The following LPP variants were observed in gnomAD, a reference collection of about 807,000 sequenced individuals.
LPP encodes LIM domain containing preferred translocation partner in lipoma, also known as lipoma-preferred partner.
In LPP, 38 loss-of-function variants were observed where a neutral mutation model predicts 60.4. The ratio of observed to expected loss-of-function variants is 0.63; its 90% CI spans 0.49 to 0.83. LPP has a LOEUF of 0.83. LPP is among the 40% of genes least tolerant of loss of function. The pLI is 0.00. For missense variants in LPP, 902 were observed against 783.6 expected, an observed-to-expected ratio of 1.15 and a Z score of -1.80; for synonymous variants, 328 against 290.8, an observed-to-expected ratio of 1.13 and a Z score of -1.30.
chr3:188,242,784 T>C (rs1725441232), intron 2 of LPP, among the ~76,000 whole-genome samples: 1 of 152,190 alleles, frequency 6.6e-6, no homozygotes, highest in African/African-American at 2.4e-5. Flanking sequence ...TTAGCAAACA[T>C]TTCCCCTTTC....
At chr3:188,753,580 C>CGTGCGTGTGTGTGT (rs367698835) in intron 8 of LPP, among the ~76,000 whole-genome samples, 4 of 139,560 alleles carry the variant, frequency 2.9e-5, no homozygotes, top group African/African-American at 8.1e-5. Flanking sequence ...TTGTTGTGTG[C>CGTGCGTGTGTGTGT]GTGTGTGTGT....
At chr3:188,253,811 G>GC (rs1730749308) in intron 2 of LPP, among the ~76,000 whole-genome samples, 1 of 152,128 alleles carries the variant, frequency 6.6e-6, no homozygotes, top group Non-Finnish European at 1.5e-5. Context: ...AACCTGTAAT[G>GC]CCCCTTCTTC....
chr3:188,500,625 A>G (rs546529426), intron 5 of LPP, among the ~76,000 whole-genome samples: 7 of 152,240 alleles, frequency 4.6e-5, no homozygotes, highest in Admixed American at 4.6e-4. Flanking sequence ...ATTTGAGGAT[A>G]ATTGTTGTTA....
chr3:188,299,191 T>G (rs938679113), intron 2 of LPP, among the ~76,000 whole-genome samples: 1 of 152,208 alleles, frequency 6.6e-6, no homozygotes, highest in Non-Finnish European at 1.5e-5. Flanking sequence ...TGGGCTTTTT[T>G]GTGTGTGCTG....
intron 9 of LPP, among the ~76,000 whole-genome samples, chr3:188,762,797 A>C (rs1732824676): frequency 6.6e-6 from 1 of 152,042 alleles, no homozygotes; most frequent in Non-Finnish European, 1.5e-5. Context: ...TTCCCTCATA[A>C]GAACATTTAA....
At position 188,584,641 on chromosome 3, in the gene LPP, C is replaced by T. The variant is rs995962442; in HGVS notation, c.430-24520C>T. 4.7e-5 allele frequency among the ~76,000 whole-genome samples: 7 copies of T among 147,816 alleles called. No individual in the cohort carries two copies. The South Asian group carries it at 1.5e-3, about 32-fold the overall frequency. On this transcript the variant is annotated intron_variant, in intron 6 of 11. Transcript: ENST00000617246. ...TTTCTATTTAAATTATGTTTTTTTA[C>T]TTATTGGCATGGCTTATTCCTCATG...
At chr3:188,339,086 G>T (rs1215650268) in intron 2 of LPP, among the ~76,000 whole-genome samples, 1 of 152,028 alleles carries the variant, frequency 6.6e-6, no homozygotes, top group African/African-American at 2.4e-5. Flanking sequence ...TGCTTCTGAG[G>T]GTGAGCATAT....
intron 9 of LPP, among the ~76,000 whole-genome samples, chr3:188,768,105 T>C (rs1331011504): frequency 6.6e-6 from 1 of 152,148 alleles, no homozygotes; most frequent in Non-Finnish European, 1.5e-5. Flanking sequence ...CTATGTTCTA[T>C]GCAAATCTAA....
chr3:188,724,991 A>G (rs1481670822), intron 8 of LPP, among the ~76,000 whole-genome samples: 1 of 152,228 alleles, frequency 6.6e-6, no homozygotes, highest in East Asian at 1.9e-4. Context: ...AGTTGATGCT[A>G]TTTTAGGCCG....
At chr3:188,176,275 T>C (rs983642862) in intron 1 of LPP, among the ~76,000 whole-genome samples, 3 of 152,288 alleles carry the variant, frequency 2.0e-5, no homozygotes, top group Admixed American at 1.3e-4. Flanking sequence ...ACCTATGATC[T>C]AGTTCAACTT....
chr3:188,593,153 G>GGTGC (rs1553936543), intron 6 of LPP, among the ~76,000 whole-genome samples: 5 of 148,396 alleles, frequency 3.4e-5, no homozygotes, highest in Non-Finnish European at 7.5e-5. Context: ...TCTGATGCCT[G>GGTGC]GTGTGTGTGT....
At chr3:188,562,148 C>A (rs1252986457) in intron 6 of LPP, 1 of 151,976 alleles carries the variant, frequency 6.6e-6, no homozygotes, top group Non-Finnish European at 1.5e-5. Context: ...GCCTGTTGCT[C>A]TTTTTACCTC....
chr3:188,617,430 A>T (rs1279927137), intron 7 of LPP, among the ~76,000 whole-genome samples: 1 of 152,120 alleles, frequency 6.6e-6, no homozygotes, highest in Non-Finnish European at 1.5e-5. Context: ...AATAATAACT[A>T]TTGTCAGGAT....
At chr3:188,612,294 G>A (rs1390751967) in intron 7 of LPP, among the ~76,000 whole-genome samples, 1 of 152,114 alleles carries the variant, frequency 6.6e-6, no homozygotes, top group African/African-American at 2.4e-5. Flanking sequence ...TAAATTCTGG[G>A]CGCGTTGTGA....
chr3:188,765,593 A>G (rs1344660345), intron 9 of LPP, among the ~76,000 whole-genome samples: 3 of 152,212 alleles, frequency 2.0e-5, no homozygotes. Flanking sequence ...CATTTTACAA[A>G]TGTGGCTCGG....
At chr3:188,281,138 T>G (rs978589008) in intron 2 of LPP, among the ~76,000 whole-genome samples, 15 of 152,300 alleles carry the variant, frequency 9.8e-5, no homozygotes, top group African/African-American at 3.1e-4. Context: ...TAAAACAATT[T>G]GCACATATGA....
chr3:188,224,689 T>C (rs1386881038), intron 1 of LPP, among the ~76,000 whole-genome samples: 2 of 151,984 alleles, frequency 1.3e-5, no homozygotes, highest in Non-Finnish European at 2.9e-5. Context: ...AGCAGGTGTC[T>C]CAGATGGCAA....
At chr3:188,673,517 T>C (rs1248583762) in intron 7 of LPP, among the ~76,000 whole-genome samples, 1 of 152,142 alleles carries the variant, frequency 6.6e-6, no homozygotes, top group Non-Finnish European at 1.5e-5. Flanking sequence ...CAATCATAAT[T>C]AGGCTCATGC....
chr3:188,595,633 T>A (rs1560611313), intron 6 of LPP, among the ~76,000 whole-genome samples: 1 of 152,206 alleles, frequency 6.6e-6, no homozygotes, highest in East Asian at 1.9e-4. Context: ...CTGCACTGAA[T>A]GATCTAAAAT....
Sources: allele counts gnomAD v4.1 joint callset (sites outside exome capture counted in the v4.1 genomes callset), GRCh38; gene constraint gnomAD v4.1.1; transcripts MANE v1.5; gene names NCBI Gene and HGNC (gene_info 2026-07-23, HGNC 2026-07-21).